Variants in ZNF544 observed in about 807,000 individuals in gnomAD.
ZNF544 encodes the protein zinc finger protein AF020591.
Under a neutral mutation model 13.5 loss-of-function variants are expected in ZNF544, and 10 were observed. The ratio of observed to expected loss-of-function variants is 0.74; its 90% CI spans 0.46 to 1.25. The LOEUF (loss-of-function observed/expected upper bound fraction) is 1.25. ZNF544 is among the 50% of genes most tolerant of loss of function. The probability of loss-of-function intolerance (pLI) is 0.00; values close to 1 mark genes in which losing one functional copy is unlikely to be tolerated. For missense variants in ZNF544, 896 were observed against 845.6 expected, an observed-to-expected ratio of 1.06 and a Z score of -0.74; for synonymous variants, 323 against 300.5, an observed-to-expected ratio of 1.07 and a Z score of -0.77.
intron 5 of ZNF544, among the ~76,000 whole-genome samples, chr19:58,270,288 G>A (rs1217659395): frequency 6.6e-6 from 1 of 150,550 alleles, no homozygotes; most frequent in Admixed American, 6.7e-5. Flanking sequence ...GCTGTGACGT[G>A]AACCCTAGGT....
At chr19:58,259,099 C>A (rs1443104801) in intron 6 of ZNF544, 1 of 152,210 alleles carries the variant, frequency 6.6e-6, no homozygotes, top group East Asian at 1.9e-4. Flanking sequence ...TTACTCCGGG[C>A]TACAGCAAGG....
At chr19:58,230,868 C>G (rs1352511264) in intron 3 of ZNF544, among the ~76,000 whole-genome samples, 1 of 152,116 alleles carries the variant, frequency 6.6e-6, no homozygotes, top group Non-Finnish European at 1.5e-5. Context: ...CTAATGAGTG[C>G]AGGCCTGCAG....
chr19:58,256,132 GA>G (rs1021470676), intron 6 of ZNF544, among the ~76,000 whole-genome samples: 1 of 152,146 alleles, frequency 6.6e-6, no homozygotes, highest in African/African-American at 2.4e-5. Context: ...GGGAAAAAGA[GA>G]GAGAGAAAAG....
intron 6 of ZNF544, chr19:58,259,567 A>G (rs534205610): frequency 6.6e-6 from 1 of 152,352 alleles, no homozygotes; most frequent in Non-Finnish European, 1.5e-5. Flanking sequence ...GATGCTCCAA[A>G]TGGAAAACAC....
intron 6 of ZNF544, among the ~76,000 whole-genome samples, chr19:58,255,984 C>T (rs573218336): frequency 1.3e-5 from 2 of 152,350 alleles, no homozygotes; most frequent in Admixed American, 1.3e-4. Context: ...GACTAAGGTC[C>T]TTCACCCGAA....
At chr19:58,244,500 C>T (rs188415600) in intron 4 of ZNF544, among the ~76,000 whole-genome samples, 56 of 152,188 alleles carry the variant, frequency 3.7e-4, no homozygotes, top group Middle Eastern at 3.4e-3. Flanking sequence ...GGCTTGCAGA[C>T]AGCCGTTGTC....
At chr19:58,264,694 A>AAAACAAAC (rs199848913), downstream of ZNF544, among the ~76,000 whole-genome samples, 1 of 151,536 alleles carries the variant, frequency 6.6e-6, no homozygotes, top group Non-Finnish European at 1.5e-5. Context: ...GTGTCTCAAA[A>AAAACAAAC]AAACAAACAA....
chr19:58,273,644 C>T (rs1239276510), intron 5 of ZNF544, among the ~76,000 whole-genome samples: 4 of 146,680 alleles, frequency 2.7e-5, no homozygotes, highest in Non-Finnish European at 4.5e-5. Context: ...GGGCCGAGAT[C>T]GTGTCACTGC....
chr19:58,272,881 AAAG>A (rs771768181), intron 5 of ZNF544, among the ~76,000 whole-genome samples: 53 of 151,832 alleles, frequency 3.5e-4, no homozygotes, highest in Admixed American at 2.8e-3. Context: ...TCAAAAAAAA[AAAG>A]AAAAGAAAAG....
downstream of ZNF544, among the ~76,000 whole-genome samples, chr19:58,268,731 T>C (rs929090144): frequency 6.6e-6 from 1 of 152,246 alleles, no homozygotes; most frequent in African/African-American, 2.4e-5. Flanking sequence ...AAGAGGAAGT[T>C]GCTTATGCCA....
In ZNF544 at chr19:58,262,565, TCACA is replaced by T; in HGVS notation, c.1961_1964del (p.His654LeufsTer50). 6.2e-7 allele frequency: 1 copy of T among 1,614,148 alleles called. No homozygotes were observed. The highest frequency in any genetic ancestry group is 8.5e-7 in the Non-Finnish European group (1 of 1,180,010). On this transcript the variant is annotated frameshift_variant, in exon 7 of 7. Transcript: ENST00000687789. LOFTEE classifies it low-confidence loss of function (END_TRUNC). The stretch of plus-strand genomic sequence containing the variant: ...CCTACCTTGTGATGCATCAGAGAAC[TCACA>T]CTGGTGAGAAACCTTTTGAGTGTAG...
At chr19:58,247,827 T>G (rs1197638465) in intron 6 of ZNF544, among the ~76,000 whole-genome samples, 1 of 152,184 alleles carries the variant, frequency 6.6e-6, no homozygotes, top group Non-Finnish European at 1.5e-5. Context: ...CCATGTCTGC[T>G]GTCCTACAGA....
At chr19:58,256,701 G>A (rs260458) in intron 6 of ZNF544, among the ~76,000 whole-genome samples, 151,571 of 152,248 alleles carry the variant, frequency 1, 75,480 homozygotes, top group Middle Eastern at 1. Flanking sequence ...TGGTGTTAGT[G>A]CCTTATCAGT....
chr19:58,254,510 G>T (rs2046860521), intron 6 of ZNF544, among the ~76,000 whole-genome samples: 1 of 152,204 alleles, frequency 6.6e-6, no homozygotes. Context: ...CTCAGCCTAG[G>T]GTGTCCCCTT....
chr19:58,247,788 A>G (rs2045572392), intron 6 of ZNF544, among the ~76,000 whole-genome samples: 1 of 152,120 alleles, frequency 6.6e-6, no homozygotes, highest in African/African-American at 2.4e-5. Context: ...GTTTATAGGT[A>G]AGTTGACGAG....
chr19:58,231,267 A>G (rs548600735), intron 3 of ZNF544, among the ~76,000 whole-genome samples: 7 of 152,318 alleles, frequency 4.6e-5, no homozygotes, highest in African/African-American at 1.7e-4. Flanking sequence ...GCTTAGGGCC[A>G]TGAGCTATGG....
At chr19:58,231,452 C>G (rs1242936282) in intron 3 of ZNF544, among the ~76,000 whole-genome samples, 1 of 152,164 alleles carries the variant, frequency 6.6e-6, no homozygotes. Context: ...AGTGCCTGGC[C>G]TGTAGGAAGT....
In ZNF544 at chr19:58,261,261, G is replaced by A. The variant is rs758228258; in HGVS notation, c.655G>A (p.Ala219Thr). The A allele has an allele frequency of 7.4e-6, 12 of 1,614,210 alleles. No homozygotes were observed. In the Middle Eastern group the frequency reaches 4.9e-4, roughly 67 times the overall value. ...DGKHCESHQC[A>T]RAFCQSIYLS... The stretch of plus-strand genomic sequence containing the variant: ...GAAGCACTGTGAGAGTCATCAGTGT[G>A]CTAGAGCTTTCTGTCAGAGTATTTA... Residue 219 changes from alanine (A) to threonine (T), a missense_variant, in exon 7 of 7, where the codon GCT (alanine) becomes ACT (threonine). Transcript: ENST00000687789.
rs375968861 is a variant in ZNF544, at chr19:58,262,187, A to G, written c.1581A>G (p.Lys527=). 2.2e-5 allele frequency: 35 copies of G among 1,613,568 alleles called. No individual in the cohort carries two copies. The highest frequency in any genetic ancestry group is 3.0e-5 in the Non-Finnish European group (35 of 1,179,944). ...CCTATGAGTGCAACCTGTGTGGGAAATCCTTCTCCCAGAGTTCCAAACTTA... is the reference window on the plus strand; with the variant it reads ...CCTATGAGTGCAACCTGTGTGGGAAGTCCTTCTCCCAGAGTTCCAAACTTA... ...EKPYECNLCG[K]SFSQSSKLIT... Residue 527 remains lysine, a synonymous_variant, in exon 7 of 7, where the codon AAA becomes AAG. Transcript: ENST00000687789.
Sources: allele counts gnomAD v4.1 joint callset (sites outside exome capture counted in the v4.1 genomes callset), GRCh38; gene constraint gnomAD v4.1.1; transcripts MANE v1.5; gene names NCBI Gene and HGNC (gene_info 2026-07-23, HGNC 2026-07-21).